The following ZFHX3 variants were observed in gnomAD, a reference collection of about 807,000 sequenced individuals.
ZFHX3 encodes the protein zinc finger homeobox protein 3.
Under a neutral mutation model 279.1 loss-of-function variants are expected in ZFHX3, and 42 were observed. That is an observed-to-expected ratio of 0.15 (90% CI 0.12 to 0.19). The LOEUF (loss-of-function observed/expected upper bound fraction) is 0.19, where lower values mean the gene tolerates loss of function less well. Ranked by LOEUF, ZFHX3 falls within the 10% of genes least tolerant of loss-of-function variation. ZFHX3 has a pLI of 1.00. For missense variants in ZFHX3, 4,981 were observed against 4,754.0 expected, an observed-to-expected ratio of 1.05 and a Z score of -1.40; for synonymous variants, 2,293 against 1,957.8, an observed-to-expected ratio of 1.17 and a Z score of -4.52.
chr16:73,357,778 C>T (rs977860472), intron 3 of ZFHX3, among the ~76,000 whole-genome samples: 1 of 152,174 alleles, frequency 6.6e-6, no homozygotes, highest in Non-Finnish European at 1.5e-5. Flanking sequence ...TTCCGGGTCA[C>T]TCTGTCAGAC....
intron 1 of ZFHX3, among the ~76,000 whole-genome samples, chr16:73,006,398 G>T (rs1319560513): frequency 6.6e-6 from 1 of 152,106 alleles, no homozygotes. Flanking sequence ...CAACGCAGGA[G>T]GATAACTTGA....
At chr16:73,637,010 A>G (rs2052532771) in intron 2 of ZFHX3, among the ~76,000 whole-genome samples, 2 of 152,134 alleles carry the variant, frequency 1.3e-5, no homozygotes, top group South Asian at 4.1e-4. Flanking sequence ...ATATTAAAAT[A>G]TATACAAGTA....
At chr16:73,160,616 C>T (rs1597192600) in intron 5 of ZFHX3, among the ~76,000 whole-genome samples, 2 of 152,100 alleles carry the variant, frequency 1.3e-5, no homozygotes, top group South Asian at 4.1e-4. Flanking sequence ...CTCATTACTG[C>T]CATCATAATC....
At chr16:73,601,226 GT>G (rs2052111346) in intron 2 of ZFHX3, among the ~76,000 whole-genome samples, 1 of 151,048 alleles carries the variant, frequency 6.6e-6, no homozygotes, top group Admixed American at 6.6e-5. Context: ...GCTGAAGCGG[GT>G]GGATCACAAG....
At chr16:73,754,705 C>T (rs1344174295) in intron 1 of ZFHX3, among the ~76,000 whole-genome samples, 4 of 152,084 alleles carry the variant, frequency 2.6e-5, no homozygotes, top group Admixed American at 2.6e-4. Context: ...TTGAGACAGG[C>T]TTTTCTACAC....
chr16:72,904,949 A>G (rs1446883267), intron 3 of ZFHX3, among the ~76,000 whole-genome samples: 2 of 152,274 alleles, frequency 1.3e-5, no homozygotes, highest in South Asian at 4.1e-4. Flanking sequence ...CTCCTGCCTC[A>G]GCCTCCTAAG....
intron 1 of ZFHX3, among the ~76,000 whole-genome samples, chr16:72,972,530 C>T (rs1219700365): frequency 6.6e-6 from 1 of 152,184 alleles, no homozygotes; most frequent in African/African-American, 2.4e-5. Flanking sequence ...TGCAGTGGAA[C>T]CAACTATGCG....
Position 73,039,466 on chromosome 16 carries a change from G to C in ZFHX3, c.-50+8286C>G, listed in dbSNP as rs80002924. Among the ~76,000 whole-genome samples, 2,844 of 152,278 alleles carry C rather than the reference G, an allele frequency of 0.019. 129 individuals carry two copies. In the East Asian group the frequency reaches 0.19, roughly 10 times the overall value. On this transcript the variant is annotated intron_variant, in intron 1 of 9. Coordinates refer to ENST00000268489, the MANE Select transcript of ZFHX3 (RefSeq NM_006885.4). ...TCTATTTCAGGTGTTCTTAACTGGAGGCGATTTTGCCTCCCCAAGGGACAG... is the reference window on the plus strand; with the variant it reads ...TCTATTTCAGGTGTTCTTAACTGGACGCGATTTTGCCTCCCCAAGGGACAG...
intron 2 of ZFHX3, among the ~76,000 whole-genome samples, chr16:73,518,384 T>G (rs1195773154): frequency 6.6e-6 from 1 of 152,264 alleles, no homozygotes; most frequent in Non-Finnish European, 1.5e-5. Context: ...TTAGTTCCTT[T>G]TTTATTGCCT....
At chr16:73,001,567 C>CTT (rs1194150378) in intron 1 of ZFHX3, among the ~76,000 whole-genome samples, 1 of 152,074 alleles carries the variant, frequency 6.6e-6, no homozygotes, top group Non-Finnish European at 1.5e-5. Flanking sequence ...GGTCCCAACA[C>CTT]TTTGGGAGGC....
At chr16:73,870,299 C>A (rs1161058905) in intron 1 of ZFHX3, among the ~76,000 whole-genome samples, 1 of 152,182 alleles carries the variant, frequency 6.6e-6, no homozygotes, top group East Asian at 1.9e-4. Flanking sequence ...TCCATCTCAA[C>A]TAGCAAGCCA....
chr16:72,803,120 T>C (rs986859168), intron 7 of ZFHX3, among the ~76,000 whole-genome samples: 1 of 152,042 alleles, frequency 6.6e-6, no homozygotes, highest in East Asian at 1.9e-4. Context: ...TCATTTGAGG[T>C]CAGGAGTTCA....
chr16:73,314,909 A>G (rs2015407309), intron 4 of ZFHX3, among the ~76,000 whole-genome samples: 1 of 152,186 alleles, frequency 6.6e-6, no homozygotes, highest in South Asian at 2.1e-4. Context: ...TCATTAGATA[A>G]TTTGTGATTT....
At chr16:73,746,297 C>G (rs1407363470) in intron 1 of ZFHX3, among the ~76,000 whole-genome samples, 1 of 152,064 alleles carries the variant, frequency 6.6e-6, no homozygotes, top group Admixed American at 6.6e-5. Context: ...TGTTCTATCA[C>G]TGAACAGGGA....
chr16:73,241,619 C>T (rs913813845), intron 5 of ZFHX3, among the ~76,000 whole-genome samples: 2 of 151,816 alleles, frequency 1.3e-5, no homozygotes, highest in East Asian at 1.9e-4. Context: ...GGAGAAACCC[C>T]GTCTCTACTA....
At chr16:73,544,935 A>G (rs1568143) in intron 2 of ZFHX3, among the ~76,000 whole-genome samples, 41,640 of 151,856 alleles carry the variant, frequency 0.27, 7,815 homozygotes, top group African/African-American at 0.53. Context: ...TCAATGGGGG[A>G]GGACGATGAC....
intron 1 of ZFHX3, among the ~76,000 whole-genome samples, chr16:73,818,243 G>T (rs908538337): frequency 2.6e-5 from 4 of 152,094 alleles, no homozygotes; most frequent in Non-Finnish European, 5.9e-5. Context: ...ACACGCAAAA[G>T]CAAATACTTT....
intron 2 of ZFHX3, among the ~76,000 whole-genome samples, chr16:73,485,076 G>A (rs964226945): frequency 1.3e-5 from 2 of 152,170 alleles, no homozygotes; most frequent in Non-Finnish European, 2.9e-5. Flanking sequence ...AGAAGTAATG[G>A]CTAGTTGCAT....
At chr16:72,807,325 G>A (rs1484680208) in intron 7 of ZFHX3, 1 of 152,196 alleles carries the variant, frequency 6.6e-6, no homozygotes, top group East Asian at 1.9e-4. Context: ...ACTCTTTGCA[G>A]CTCTGTTTCC....
Sources: allele counts gnomAD v4.1 joint callset (sites outside exome capture counted in the v4.1 genomes callset), GRCh38; gene constraint gnomAD v4.1.1; transcripts MANE v1.5; gene names NCBI Gene and HGNC (gene_info 2026-07-23, HGNC 2026-07-21).